KLRG1: variants seen among roughly 807,000 people sequenced by gnomAD.
The protein encoded by KLRG1 is killer cell lectin-like receptor subfamily G member 1.
In KLRG1, 16 loss-of-function variants were observed where a neutral mutation model predicts 21.8. The ratio of observed to expected loss-of-function variants is 0.73; its 90% CI spans 0.50 to 1.11. The LOEUF (loss-of-function observed/expected upper bound fraction) is 1.11. Among genes scored for constraint, KLRG1 ranks in the 50% most tolerant of loss-of-function variants. The pLI is 0.00. For missense variants in KLRG1, 173 were observed against 218.3 expected, an observed-to-expected ratio of 0.79 and a Z score of 1.31; for synonymous variants, 69 against 75.9, an observed-to-expected ratio of 0.91 and a Z score of 0.47.
At chr12:9,080,286 T>C in the KLRG1 span, 1 of 597,712 alleles carries the variant, frequency 1.7e-6, no homozygotes, top group East Asian at 3.1e-5. Context: ...AAACTCCTCC[T>C]GAAAAGTTGT....
At chr12:9,194,551 G>A in the KLRG1 span, among the ~76,000 whole-genome samples, 2 of 145,250 alleles carry the variant, frequency 1.4e-5, no homozygotes, top group Non-Finnish European at 3.0e-5. Flanking sequence ...TGCAAGCTCT[G>A]CCTCCTGGAC....
chr12:9,192,877 A>T, the KLRG1 span: 2 of 561,094 alleles, frequency 3.6e-6, no homozygotes, highest in African/African-American at 3.7e-5. Context: ...CGACAGCCAA[A>T]TAAATGAATT....
chr12:9,111,397 G>C, the KLRG1 span: 2 of 392,260 alleles, frequency 5.1e-6, no homozygotes, highest in African/African-American at 4.2e-5. Context: ...CCTCATTTTA[G>C]ACAGAGGAGT....
At chr12:9,215,477 C>T in the KLRG1 span, among the ~76,000 whole-genome samples, 15 of 151,786 alleles carry the variant, frequency 9.9e-5, no homozygotes, top group South Asian at 6.2e-4. Flanking sequence ...TTAATAAATA[C>T]GAAAAAAGTC....
chr12:9,089,168 A>T, the KLRG1 span: 1 of 1,499,996 alleles, frequency 6.7e-7, no homozygotes, highest in Non-Finnish European at 9.1e-7. Flanking sequence ...TTAGACTTTA[A>T]TGTTTTTTAA....
chr12:9,201,232 A>T, the KLRG1 span: 478,000 of 1,338,322 alleles, frequency 0.36, 86,763 homozygotes, highest in East Asian at 0.47. Flanking sequence ...AGATCTGAAA[A>T]TTTTTAAAGT....
the KLRG1 span, among the ~76,000 whole-genome samples, chr12:9,145,283 G>GT: frequency 4.0e-5 from 6 of 151,724 alleles, no homozygotes; most frequent in African/African-American, 1.2e-4. Flanking sequence ...GTGTTTTATT[G>GT]TTTTTTTGTG....
chr12:9,116,717 C>T, the KLRG1 span, among the ~76,000 whole-genome samples: 2 of 152,188 alleles, frequency 1.3e-5, no homozygotes, highest in South Asian at 4.2e-4. Context: ...TATTCAGTTG[C>T]TTTGTAAGTA....
chr12:9,152,275 A>G, the KLRG1 span: 10 of 1,613,272 alleles, frequency 6.2e-6, no homozygotes, highest in South Asian at 2.2e-5. Flanking sequence ...TACATCAACA[A>G]TCACCATATT....
At chr12:8,997,150 A>G (rs1002343469) in intron 3 of KLRG1, among the ~76,000 whole-genome samples, 4 of 152,140 alleles carry the variant, frequency 2.6e-5, no homozygotes, top group African/African-American at 9.7e-5. Flanking sequence ...ACTATTGTTG[A>G]GTAAAACCAG....
At chr12:9,101,185 A>T in the KLRG1 span, 1 of 1,561,400 alleles carries the variant, frequency 6.4e-7, no homozygotes, top group South Asian at 1.2e-5. Context: ...CCCAGTTCGG[A>T]CAATGCCTCC....
chr12:9,201,225 T>G, the KLRG1 span: 2 of 1,333,144 alleles, frequency 1.5e-6, no homozygotes, highest in Non-Finnish European at 2.1e-6. Flanking sequence ...GGAATTCAGA[T>G]CTGAAAATTT....
At chr12:9,167,803 T>C in the KLRG1 span, among the ~76,000 whole-genome samples, 1 of 152,178 alleles carries the variant, frequency 6.6e-6, no homozygotes, top group Admixed American at 6.5e-5. Context: ...TCAAGAACAT[T>C]TCCTTCCCCC....
the KLRG1 span, among the ~76,000 whole-genome samples, chr12:9,049,077 A>AATG: frequency 6.6e-6 from 1 of 152,242 alleles, no homozygotes; most frequent in Non-Finnish European, 1.5e-5. Context: ...CCCAGGCTAA[A>AATG]ATGATTCTTT....
At chr12:9,215,456 T>A in the KLRG1 span, among the ~76,000 whole-genome samples, 2 of 152,194 alleles carry the variant, frequency 1.3e-5, no homozygotes, top group Admixed American at 6.5e-5. Context: ...GGCATTATTT[T>A]AATTACGTTT....
chr12:9,148,514 A>G, the KLRG1 span, among the ~76,000 whole-genome samples: 1 of 151,988 alleles, frequency 6.6e-6, no homozygotes, highest in African/African-American at 2.4e-5. Context: ...TTTAATTATC[A>G]ATTCTCTAGA....
At chr12:9,036,185 A>AT in the KLRG1 span, among the ~76,000 whole-genome samples, 2 of 152,248 alleles carry the variant, frequency 1.3e-5, no homozygotes, top group Non-Finnish European at 2.9e-5. Flanking sequence ...AAGTAAAAAA[A>AT]TTAGAAGAAG....
the KLRG1 span, among the ~76,000 whole-genome samples, chr12:9,186,307 A>G: frequency 1.3e-5 from 2 of 152,186 alleles, no homozygotes; most frequent in Non-Finnish European, 2.9e-5. Context: ...ACATAACCAC[A>G]CTGAAGTACA....
the KLRG1 span, among the ~76,000 whole-genome samples, chr12:9,103,408 GTTA>G: frequency 6.6e-6 from 1 of 152,050 alleles, no homozygotes; most frequent in Admixed American, 6.6e-5. Context: ...TTTCAAAAAA[GTTA>G]TTATAAACAC....
Sources: gnomAD v4.1 joint callset for allele counts (sites outside exome capture counted in the v4.1 genomes callset) on GRCh38, gnomAD v4.1.1 for gene constraint, MANE v1.5 for transcripts, NCBI Gene and HGNC (gene_info 2026-07-23, HGNC 2026-07-21) for gene names.